Variants in ASXL2 observed in about 807,000 individuals in gnomAD.
The protein encoded by ASXL2 is putative Polycomb group protein ASXL2.
A neutral mutation model predicts 122.0 loss-of-function variants in ASXL2; 23 were observed. The observed-to-expected ratio is 0.19, with a 90% CI of 0.14 to 0.27. The LOEUF is 0.27. Ranked by LOEUF, ASXL2 falls within the 10% of genes least tolerant of loss-of-function variation. The probability of loss-of-function intolerance (pLI) is 1.00; values close to 1 mark genes in which losing one functional copy is unlikely to be tolerated. For missense variants in ASXL2, 1,518 were observed against 1,713.8 expected (o/e 0.89, Z 2.02); for synonymous variants, 650 against 637.0 (o/e 1.02, Z -0.31).
intron 3 of ASXL2, among the ~76,000 whole-genome samples, chr2:25,817,057 G>A (rs1251365848): frequency 2.6e-5 from 4 of 152,190 alleles, no homozygotes; most frequent in South Asian, 2.1e-4. Context: ...CCCAGGAGAC[G>A]GAGGTTGCAG....
chr2:25,799,382 T>C lies in ASXL2; in HGVS notation c.403+3A>G. 3 of 1,614,004 alleles carry C rather than the reference T, an allele frequency of 1.9e-6. No homozygotes were observed. Among genetic ancestry groups the C allele is most frequent in the Non-Finnish European group, 2.5e-6 (3 of 1,179,876 alleles). On this transcript the variant is annotated splice_donor_region_variant and intron_variant, in intron 5 of 12. Coordinates refer to ENST00000435504, the MANE Select transcript of ASXL2 (RefSeq NM_018263.6). The stretch of plus-strand genomic sequence containing the variant: ...ACTTTATTGAAGGATCAGGTGGATT[T>C]ACCTTTCCTTTTCCACCTGCTCTTT...
At chr2:25,809,788 G>A (rs1368618348) in intron 3 of ASXL2, 6 of 407,232 alleles carry the variant, frequency 1.5e-5, no homozygotes, top group African/African-American at 1.0e-4. Context: ...ACAGTTTAGC[G>A]AAAAAGACAC....
chr2:25,801,558 T>C (rs1000110689), intron 4 of ASXL2, among the ~76,000 whole-genome samples: 3 of 152,204 alleles, frequency 2.0e-5, no homozygotes, highest in African/African-American at 7.2e-5. Flanking sequence ...TTTTATAGAG[T>C]TAGTTGTCAG....
Position 25,753,628 on chromosome 2 carries a change from G to A in ASXL2, c.1048C>T (p.Pro350Ser), listed in dbSNP as rs761142592. 1.2e-6 allele frequency: 2 copies of A among 1,612,410 alleles called. No homozygotes were observed. Among genetic ancestry groups the A allele is most frequent in the South Asian group, 2.2e-5 (2 of 90,844 alleles). The change falls in exon 11 of 13, where the codon CCT becomes TCT. Residue 350 changes from proline to serine, a missense_variant. Physicochemically the swap from Pro to Ser is moderately conservative, Grantham distance 74 (BLOSUM62 -1). Coordinates refer to ENST00000435504, the MANE Select transcript of ASXL2 (RefSeq NM_018263.6). The stretch of plus-strand genomic sequence containing the variant: ...TGTCGAATTCTCACCTGCATCTCAG[G>A]TGTAAACTCACCTGCAATGTACCCA... Reference protein sequence around the residue: ...KERLSEGEFTPEMQVRIRQEI... With the variant: ...KERLSEGEFTSEMQVRIRQEI...
At chr2:25,790,664 T>C (rs1280557312) in intron 5 of ASXL2, among the ~76,000 whole-genome samples, 1 of 152,088 alleles carries the variant, frequency 6.6e-6, no homozygotes, top group East Asian at 1.9e-4. Context: ...TTTTAGCTTA[T>C]ATACCAGTGA....
chr2:25,799,634 T>C (rs1484118148), intron 4 of ASXL2, 99 bp from the exon 5 acceptor site: 1 of 1,409,750 alleles, frequency 7.1e-7, no homozygotes, highest in African/African-American at 1.4e-5. Flanking sequence ...TTGCACTAAT[T>C]TTTGTTACTA....
At chr2:25,846,619 T>C (rs1354438364) in intron 1 of ASXL2, among the ~76,000 whole-genome samples, 1 of 151,122 alleles carries the variant, frequency 6.6e-6, no homozygotes, top group South Asian at 2.1e-4. Context: ...CTGCACTCCA[T>C]CCTGGGCAAC....
In ASXL2 at chr2:25,742,442, C is replaced by T; in HGVS notation, c.3895G>A (p.Asp1299Asn). ...FSSTVLPLPADSPTHQPLLLP... is the reference protein window; with the variant it reads ...FSSTVLPLPANSPTHQPLLLP... ...AGTAGGGGCTGGTGGGTGGGGCTGTCTGCAGGCAGAGGAAGAACAGTAGAA... is the reference window on the plus strand; with the variant it reads ...AGTAGGGGCTGGTGGGTGGGGCTGTTTGCAGGCAGAGGAAGAACAGTAGAA... The change falls in exon 13 of 13, where the codon GAC (aspartate) becomes AAC (asparagine). Residue 1299 changes from aspartate to asparagine, a missense_variant. Asp to Asn is a conservative substitution (Grantham distance 23). Coordinates refer to ENST00000435504, the MANE Select transcript of ASXL2 (RefSeq NM_018263.6). 1 of 1,611,028 alleles carries T rather than the reference C, an allele frequency of 6.2e-7. No individual in the cohort carries two copies. The highest frequency in any genetic ancestry group is 8.5e-7 in the Non-Finnish European group (1 of 1,178,518).
intron 5 of ASXL2, among the ~76,000 whole-genome samples, chr2:25,782,944 A>G (rs1318902861): frequency 6.6e-6 from 1 of 152,136 alleles, no homozygotes. Flanking sequence ...CCTGGCCAAC[A>G]TGGTGAAACC....
Position 25,873,654 on chromosome 2 carries a change from C to A in ASXL2, c.57+4512G>T, listed in dbSNP as rs980466787. On this transcript the variant is annotated intron_variant, in intron 1 of 12. Coordinates refer to ENST00000435504, the MANE Select transcript of ASXL2 (RefSeq NM_018263.6). The stretch of plus-strand genomic sequence containing the variant: ...AAAGTCTATATATTAAAAAAAAAAA[C>A]AAAAAAACTACTTCTTCAGTCTACA... 3.3e-3 allele frequency among the ~76,000 whole-genome samples: 492 copies of A among 149,194 alleles called. 3 individuals are homozygous for A. Among genetic ancestry groups the A allele is most frequent in the Non-Finnish European group, 4.0e-3 (268 of 67,150 alleles).
chr2:25,845,492 T>C lies in ASXL2; in HGVS notation c.129A>G (p.Leu43=), dbSNP rs756492713. ...EILQVIQREG[L]KEIRSGTSPL... ...TTTAAATAACTCACCTGATTTCTTT[T>C]AGTCCTTCTCTCTGGATAACTTGAA... The change falls in exon 2 of 13, where the codon CTA becomes CTG. Residue 43 remains leucine, a synonymous_variant. Coordinates refer to ENST00000435504, the MANE Select transcript of ASXL2 (RefSeq NM_018263.6). The C allele has an allele frequency of 2.0e-6, 3 of 1,486,330 alleles. No homozygotes were observed. In the East Asian group the frequency reaches 7.6e-5, roughly 38 times the overall value. The allele number at this position is 1,486,330 out of a possible 1,614,324, so 92.1% of individuals were successfully genotyped here.
chr2:25,874,986 G>A (rs2089998870), intron 1 of ASXL2, among the ~76,000 whole-genome samples: 1 of 152,174 alleles, frequency 6.6e-6, no homozygotes, highest in Admixed American at 6.5e-5. Flanking sequence ...AGGAGGCTGA[G>A]GCAGGAGGAT....
chr2:25,779,558 C>T (rs1449915566), intron 5 of ASXL2, among the ~76,000 whole-genome samples: 1 of 152,118 alleles, frequency 6.6e-6, no homozygotes, highest in Non-Finnish European at 1.5e-5. Flanking sequence ...GATTTGTCTC[C>T]TTCAACATCT....
intron 5 of ASXL2, among the ~76,000 whole-genome samples, chr2:25,780,857 G>A (rs1168161738): frequency 6.6e-6 from 1 of 152,082 alleles, no homozygotes; most frequent in Non-Finnish European, 1.5e-5. Context: ...GGAGGCCGAG[G>A]TGGGCGGATC....
intron 9 of ASXL2, 57 bp from the exon 10 acceptor site, chr2:25,756,171 G>A (rs2088129281): frequency 6.9e-6 from 7 of 1,008,106 alleles, no homozygotes; most frequent in Non-Finnish European, 9.9e-6. Context: ...GTATCACGTC[G>A]TATTTGACCT....
At chr2:25,840,075 A>G (rs1461105617) in intron 2 of ASXL2, among the ~76,000 whole-genome samples, 1 of 151,986 alleles carries the variant, frequency 6.6e-6, no homozygotes, top group Non-Finnish European at 1.5e-5. Context: ...AAAACAACAT[A>G]ATGGAATACA....
At chr2:25,799,729 C>T (rs918633364) in intron 4 of ASXL2, among the ~76,000 whole-genome samples, 194 bp from the exon 5 acceptor site, 7 of 151,864 alleles carry the variant, frequency 4.6e-5, no homozygotes, top group African/African-American at 7.3e-5. Context: ...CAACTATATC[C>T]GAAGATAAAA....
At chr2:25,811,950 A>G (rs539677474) in intron 3 of ASXL2, among the ~76,000 whole-genome samples, 1 of 151,838 alleles carries the variant, frequency 6.6e-6, no homozygotes, top group South Asian at 2.1e-4. Flanking sequence ...GGGTTTCACC[A>G]TGTTGGCTAG....
intron 3 of ASXL2, among the ~76,000 whole-genome samples, chr2:25,828,823 T>TCAAA: frequency 3.7e-5 from 1 of 27,088 alleles, no homozygotes; most frequent in Non-Finnish European, 7.6e-5. Flanking sequence ...AGACTGTGTC[T>TCAAA]CAAAAAAAAA....
Sources: gnomAD v4.1 joint callset for allele counts (sites outside exome capture counted in the v4.1 genomes callset) on GRCh38, gnomAD v4.1.1 for gene constraint, MANE v1.5 for transcripts, NCBI Gene and HGNC (gene_info 2026-07-23, HGNC 2026-07-21) for gene names.